RBPMS: variants seen among roughly 807,000 people sequenced by gnomAD.
The protein encoded by RBPMS is RNA binding protein, mRNA processing factor.
Under a neutral mutation model 26.8 loss-of-function variants are expected in RBPMS, and 7 were observed. The observed-to-expected ratio is 0.26, with a 90% CI of 0.15 to 0.49. The LOEUF is 0.49. RBPMS is among the 20% of genes least tolerant of loss of function. The pLI, the probability that RBPMS is intolerant of heterozygous loss-of-function variation, is 0.98. For synonymous variants in RBPMS, 96 were observed against 93.3 expected (o/e 1.03, Z -0.17); for missense variants, 186 against 250.0 (o/e 0.74, Z 1.73).
chr8:30,525,530 T>TCATCTAAAATTCAGAAGC (rs1204912867), intron 5 of RBPMS, among the ~76,000 whole-genome samples: 1 of 152,230 alleles, frequency 6.6e-6, no homozygotes, highest in Admixed American at 6.5e-5. Flanking sequence ...CTCTCTGAAG[T>TCATCTAAAATTCAGAAGC]CATCTAAAAT....
chr8:30,472,454 T>C (rs1817228760), intron 1 of RBPMS, among the ~76,000 whole-genome samples: 1 of 152,122 alleles, frequency 6.6e-6, no homozygotes, highest in Non-Finnish European at 1.5e-5. Flanking sequence ...GAATAAACTT[T>C]TGGTGGTGAT....
intron 7 of RBPMS, among the ~76,000 whole-genome samples, chr8:30,560,531 A>G (rs1268834848): frequency 1.3e-5 from 2 of 152,196 alleles, no homozygotes; most frequent in Non-Finnish European, 1.5e-5. Context: ...TCAGGAAGCT[A>G]AAATTGTATC....
chr8:30,437,176 C>T (rs966982623), intron 1 of RBPMS, among the ~76,000 whole-genome samples: 85 of 151,894 alleles, frequency 5.6e-4, no homozygotes, highest in Admixed American at 9.2e-4. Flanking sequence ...CTGCCTCGGC[C>T]TCCCAAAGTG....
At chr8:30,549,795 T>TCTCTCTCTCTCTCTCTCTCTCTCTCC (rs1298441943) in intron 6 of RBPMS, among the ~76,000 whole-genome samples, 1 of 100,744 alleles carries the variant, frequency 9.9e-6, no homozygotes, top group African/African-American at 4.8e-5. Flanking sequence ...TCTCTCTCTC[T>TCTCTCTCTCTCTCTCTCTCTCTCTCC]CCCCTCTCTC....
intron 5 of RBPMS, among the ~76,000 whole-genome samples, chr8:30,510,372 A>G (rs2150952514): frequency 1.3e-5 from 2 of 152,308 alleles, no homozygotes; most frequent in South Asian, 4.2e-4. Flanking sequence ...AATTATATGT[A>G]AAATACCTAT....
intron 7 of RBPMS, among the ~76,000 whole-genome samples, chr8:30,560,904 T>C (rs1827411896): frequency 6.6e-6 from 1 of 152,166 alleles, no homozygotes; most frequent in Admixed American, 6.5e-5. Flanking sequence ...TGGATGAGTA[T>C]TCATGTGTGA....
chr8:30,556,713 A>G, intron 6 of RBPMS: 1 of 985,136 alleles, frequency 1.0e-6, no homozygotes, highest in Non-Finnish European at 1.2e-6. Context: ...GTCCTTTCCC[A>G]CCTGTCTCAG....
chr8:30,384,939 G>C lies in RBPMS; in HGVS notation c.-154G>C, dbSNP rs1188410848. ...GGGAGCCCCAGCCCAACCCGAGCCC[G>C]ACAGCCACTGCCCCGGCTCCAGCTC... is the stretch of plus-strand genomic sequence containing the variant. On this transcript the variant is annotated 5_prime_UTR_variant, in exon 1 of 9. Transcript: ENST00000397323. The surrounding 1 kb of genome is among the most constrained non-coding windows in gnomAD (Gnocchi z 5.6). The C allele has an allele frequency of 1.4e-5, 6 of 439,148 alleles. No homozygotes were observed. Among genetic ancestry groups the C allele is most frequent in the African/African-American group, 2.1e-5 (1 of 47,432 alleles). 27.2% of individuals were successfully genotyped at this position (439,148 alleles called of 1,614,324 possible).
intron 1 of RBPMS, among the ~76,000 whole-genome samples, chr8:30,457,811 C>T (rs1419914975): frequency 1.3e-5 from 2 of 152,018 alleles, no homozygotes; most frequent in Non-Finnish European, 2.9e-5. Flanking sequence ...CTCCTGACCT[C>T]GTGATCTGCC....
chr8:30,455,638 C>G (rs1431004951), intron 1 of RBPMS, among the ~76,000 whole-genome samples: 1 of 152,040 alleles, frequency 6.6e-6, no homozygotes, highest in Non-Finnish European at 1.5e-5. Flanking sequence ...GCCTGTAATC[C>G]CAGCACTTTG....
chr8:30,566,974 C>A (rs2151096704), intron 8 of RBPMS, among the ~76,000 whole-genome samples: 1 of 152,230 alleles, frequency 6.6e-6, no homozygotes, highest in Admixed American at 6.5e-5. Flanking sequence ...CCTGTCACTC[C>A]TCAGTTCGTT....
intron 1 of RBPMS, among the ~76,000 whole-genome samples, chr8:30,409,004 C>G (rs980724713): frequency 1.3e-5 from 2 of 152,058 alleles, no homozygotes; most frequent in African/African-American, 4.8e-5. Context: ...AAGGCTCATC[C>G]ATCTTGTAGC....
intron 6 of RBPMS, among the ~76,000 whole-genome samples, chr8:30,548,679 G>A (rs182906526): frequency 3.4e-4 from 52 of 152,324 alleles, no homozygotes; most frequent in Admixed American, 5.9e-4. Flanking sequence ...ACCATGGGAA[G>A]AGAGACATAG....
intron 1 of RBPMS, among the ~76,000 whole-genome samples, chr8:30,466,507 C>T (rs1308718776): frequency 6.6e-6 from 1 of 152,156 alleles, no homozygotes; most frequent in East Asian, 1.9e-4. Context: ...GATTGCACCG[C>T]TGCACTCCAG....
At chr8:30,425,652 G>A (rs1453311398) in intron 1 of RBPMS, among the ~76,000 whole-genome samples, 1 of 151,946 alleles carries the variant, frequency 6.6e-6, no homozygotes, top group Non-Finnish European at 1.5e-5. Context: ...TGCCCACCTC[G>A]GCCTCCCAGA....
intron 6 of RBPMS, chr8:30,556,107 C>T (rs895957283): frequency 3.0e-6 from 3 of 985,232 alleles, no homozygotes; most frequent in Admixed American, 6.1e-5. Context: ...TGAGAAGAGC[C>T]CCCCACTTGG....
At chr8:30,527,830 G>C (rs1366507458) in intron 5 of RBPMS, among the ~76,000 whole-genome samples, 2 of 152,206 alleles carry the variant, frequency 1.3e-5, no homozygotes, top group Non-Finnish European at 1.5e-5. Context: ...ATTACAGTCA[G>C]CAGTCCCTTT....
intron 4 of RBPMS, among the ~76,000 whole-genome samples, chr8:30,503,557 C>T (rs941253238): frequency 6.6e-6 from 1 of 151,970 alleles, no homozygotes; most frequent in Admixed American, 6.6e-5. Context: ...CAACGCCCTG[C>T]CTGCTCTTAT....
chr8:30,556,041 G>A (rs1235350694), intron 6 of RBPMS: 11 of 985,338 alleles, frequency 1.1e-5, no homozygotes, highest in Middle Eastern at 5.2e-4. Flanking sequence ...GAAGCTGGGC[G>A]CAGCGGAGCC....
Sources: allele counts gnomAD v4.1 joint callset (sites outside exome capture counted in the v4.1 genomes callset), GRCh38; gene constraint gnomAD v4.1.1; non-coding constraint Gnocchi (gnomAD v3.1); transcripts MANE v1.5; gene names NCBI Gene and HGNC (gene_info 2026-07-23, HGNC 2026-07-21).